Variants in EPHA6 observed in about 807,000 individuals in gnomAD.
EPHA6 encodes the protein ephrin type-A receptor 6.
A neutral mutation model predicts 112.0 loss-of-function variants in EPHA6; 50 were observed. The ratio of observed to expected loss-of-function variants is 0.45; its 90% CI spans 0.36 to 0.56. The LOEUF is 0.56. Among genes scored for constraint, EPHA6 ranks in the 20% least tolerant of loss-of-function variants. EPHA6 has a pLI of 0.00. For synonymous variants in EPHA6, 529 were observed against 490.7 expected (o/e 1.08, Z -1.03); for missense variants, 1,280 against 1,417.4 (o/e 0.90, Z 1.56).
chr3:96,842,271 C>T (rs996751832), intron 1 of EPHA6, among the ~76,000 whole-genome samples: 2 of 152,076 alleles, frequency 1.3e-5, no homozygotes, highest in Non-Finnish European at 2.9e-5. Context: ...TCCTAGTCCT[C>T]AGCATGAATT....
intron 3 of EPHA6, among the ~76,000 whole-genome samples, chr3:97,175,011 T>C (rs2076798394): frequency 6.6e-6 from 1 of 152,016 alleles, no homozygotes; most frequent in African/African-American, 2.4e-5. Flanking sequence ...AGTTTTCTTG[T>C]AGTGGTTTCA....
At chr3:97,528,533 A>G (rs550952836) in intron 10 of EPHA6, among the ~76,000 whole-genome samples, 1 of 152,246 alleles carries the variant, frequency 6.6e-6, no homozygotes, top group South Asian at 2.1e-4. Context: ...GAAACATTTC[A>G]TCACACCCAA....
At chr3:97,671,802 T>A (rs2030864265) in intron 14 of EPHA6, among the ~76,000 whole-genome samples, 1 of 151,936 alleles carries the variant, frequency 6.6e-6, no homozygotes, top group African/African-American at 2.4e-5. Flanking sequence ...GGACAAAAGA[T>A]GAAATTCCAG....
chr3:97,672,554 TA>T (rs2030953348), intron 14 of EPHA6, among the ~76,000 whole-genome samples: 1 of 152,130 alleles, frequency 6.6e-6, no homozygotes, highest in African/African-American at 2.4e-5. Context: ...GGAGTCAAAA[TA>T]GCAAAATGCA....
chr3:97,267,965 T>C (rs2079744415), intron 5 of EPHA6, among the ~76,000 whole-genome samples: 1 of 151,914 alleles, frequency 6.6e-6, no homozygotes, highest in African/African-American at 2.4e-5. Context: ...AAAAAAAGAG[T>C]TTATTTTTCT....
At chr3:97,320,933 T>C (rs1667255618) in intron 5 of EPHA6, among the ~76,000 whole-genome samples, 1 of 151,882 alleles carries the variant, frequency 6.6e-6, no homozygotes, top group Non-Finnish European at 1.5e-5. Flanking sequence ...TTATTGCACA[T>C]TAAAAAATAT....
At chr3:97,017,585 G>A (rs1363050359) in intron 3 of EPHA6, among the ~76,000 whole-genome samples, 1 of 152,026 alleles carries the variant, frequency 6.6e-6, no homozygotes, top group Non-Finnish European at 1.5e-5. Flanking sequence ...TGGACTCACA[G>A]CCAGTGGACT....
At chr3:96,822,602 A>G (rs1026476238) in intron 1 of EPHA6, among the ~76,000 whole-genome samples, 1 of 151,752 alleles carries the variant, frequency 6.6e-6, no homozygotes, top group African/African-American at 2.4e-5. Flanking sequence ...TGTTAAGGAG[A>G]TAGAAATATT....
intron 2 of EPHA6, among the ~76,000 whole-genome samples, chr3:96,907,712 G>A (rs1479932335): frequency 6.6e-6 from 1 of 151,626 alleles, no homozygotes; most frequent in Non-Finnish European, 1.5e-5. Context: ...CTATTTAGTA[G>A]CATCTCCCCA....
chr3:96,861,632 A>G (rs1299003438), intron 1 of EPHA6, among the ~76,000 whole-genome samples: 1 of 151,968 alleles, frequency 6.6e-6, no homozygotes, highest in Non-Finnish European at 1.5e-5. Flanking sequence ...TTACAAATAG[A>G]ATTTCCAATC....
At chr3:97,076,932 C>G (rs925602822) in intron 3 of EPHA6, among the ~76,000 whole-genome samples, 1 of 152,052 alleles carries the variant, frequency 6.6e-6, no homozygotes, top group Non-Finnish European at 1.5e-5. Context: ...AAAATGATTC[C>G]TCTCAAAATA....
At chr3:97,350,063 A>G (rs2083730025) in intron 5 of EPHA6, among the ~76,000 whole-genome samples, 1 of 151,904 alleles carries the variant, frequency 6.6e-6, no homozygotes, top group South Asian at 2.1e-4. Context: ...TTTCCGGGAA[A>G]TTTTTAATTT....
chr3:97,047,206 A>G (rs1205291150), intron 3 of EPHA6, among the ~76,000 whole-genome samples: 1 of 152,112 alleles, frequency 6.6e-6, no homozygotes, highest in African/African-American at 2.4e-5. Context: ...TCTGTAAGAT[A>G]TAAGAAACCA....
At chr3:97,140,484 G>C (rs778573384) in intron 3 of EPHA6, among the ~76,000 whole-genome samples, 2 of 152,158 alleles carry the variant, frequency 1.3e-5, no homozygotes, top group Admixed American at 6.5e-5. Flanking sequence ...AACAGCAGAC[G>C]TCTCAGGAGA....
intron 5 of EPHA6, among the ~76,000 whole-genome samples, chr3:97,371,426 C>G (rs894539435): frequency 1.3e-5 from 2 of 152,120 alleles, no homozygotes; most frequent in African/African-American, 4.8e-5. Context: ...ACTGCAATCT[C>G]TGAACATAAA....
At chr3:97,434,368 G>A (rs2089694738) in intron 6 of EPHA6, among the ~76,000 whole-genome samples, 1 of 152,056 alleles carries the variant, frequency 6.6e-6, no homozygotes, top group Non-Finnish European at 1.5e-5. Flanking sequence ...CAGTATGAAA[G>A]TGTTCATATT....
At chr3:97,627,408 C>T (rs1266354325) in intron 13 of EPHA6, among the ~76,000 whole-genome samples, 1 of 151,678 alleles carries the variant, frequency 6.6e-6, no homozygotes, top group African/African-American at 2.4e-5. Context: ...GAAGGTCTCA[C>T]TGAAACATGG....
intron 4 of EPHA6, among the ~76,000 whole-genome samples, chr3:97,243,168 C>T (rs528186098): frequency 6.6e-6 from 1 of 151,756 alleles, no homozygotes; most frequent in Non-Finnish European, 1.5e-5. Context: ...ACTTGGTTTT[C>T]GAGGTCTTTA....
At chr3:97,632,950 T>A (rs2093916102) in intron 13 of EPHA6, among the ~76,000 whole-genome samples, 1 of 152,080 alleles carries the variant, frequency 6.6e-6, no homozygotes, top group Non-Finnish European at 1.5e-5. Flanking sequence ...ACTCAGATCC[T>A]ATGTTTGTCA....
Sources: allele counts gnomAD v4.1 joint callset (sites outside exome capture counted in the v4.1 genomes callset), GRCh38; gene constraint gnomAD v4.1.1; transcripts MANE v1.5; gene names NCBI Gene and HGNC (gene_info 2026-07-23, HGNC 2026-07-21).